Variants in C1orf21 observed in about 807,000 individuals in gnomAD.
C1orf21 encodes uncharacterized protein C1orf21.
A neutral mutation model predicts 18.7 loss-of-function variants in C1orf21; 3 were observed. That is an observed-to-expected ratio of 0.16 (90% CI 0.07 to 0.42). C1orf21 has a LOEUF of 0.42. C1orf21 is among the 10% of genes least tolerant of loss of function. The pLI is 0.99. For synonymous variants in C1orf21, 41 were observed against 46.4 expected, an observed-to-expected ratio of 0.88 and a Z score of 0.47; for missense variants, 104 against 143.6, an observed-to-expected ratio of 0.72 and a Z score of 1.41.
intron 1 of C1orf21, among the ~76,000 whole-genome samples, chr1:184,415,398 C>G (rs1033256808): frequency 4.6e-5 from 7 of 152,128 alleles, no homozygotes; most frequent in African/African-American, 1.7e-4. Flanking sequence ...ATTGAAGCAA[C>G]AGTTCCTGGG....
At chr1:184,428,111 AG>A (rs1339414590) in intron 1 of C1orf21, among the ~76,000 whole-genome samples, 1 of 152,208 alleles carries the variant, frequency 6.6e-6, no homozygotes, top group Non-Finnish European at 1.5e-5. Context: ...GGGTGTTGTG[AG>A]GTATCAGTAC....
chr1:184,401,824 T>G (rs1225514798), intron 1 of C1orf21, among the ~76,000 whole-genome samples: 1 of 151,776 alleles, frequency 6.6e-6, no homozygotes, highest in Non-Finnish European at 1.5e-5. Context: ...ATATTTTTAT[T>G]TAACCTAAAG....
chr1:184,415,142 C>T (rs999080825), intron 1 of C1orf21, among the ~76,000 whole-genome samples: 4 of 152,054 alleles, frequency 2.6e-5, no homozygotes, highest in African/African-American at 4.8e-5. Flanking sequence ...GGAGCGTGGC[C>T]GTTGAGTAAA....
intron 3 of C1orf21, among the ~76,000 whole-genome samples, chr1:184,564,924 A>G (rs1659014710): frequency 1.3e-5 from 2 of 152,218 alleles, no homozygotes; most frequent in Admixed American, 6.5e-5. Context: ...TGCTACCTAC[A>G]GAAGTTCCAC....
At chr1:184,612,185 G>C (rs1469201988) in intron 5 of C1orf21, among the ~76,000 whole-genome samples, 1 of 152,174 alleles carries the variant, frequency 6.6e-6, no homozygotes, top group Admixed American at 6.5e-5. Context: ...AAATTCTTCA[G>C]GTGATCCTTC....
intron 3 of C1orf21, among the ~76,000 whole-genome samples, chr1:184,514,016 G>A (rs1658188486): frequency 1.3e-5 from 2 of 152,202 alleles, no homozygotes; most frequent in South Asian, 4.1e-4. Context: ...ATGGGAGTGG[G>A]CTACGTGCGG....
rs74629021 is a variant in C1orf21 at position 184,507,203 on chromosome 1, C to G, written c.95-385C>G. Among the ~76,000 whole-genome samples the G allele has an allele frequency of 4.3e-3, 656 of 152,198 alleles. 19 individuals carry two copies. In the East Asian group the frequency reaches 0.064, roughly 15 times the overall value. Reference sequence around the variant, plus strand: ...GGCACAGGCATTTTGGACTAATACTCTCTTGGAGAAAAATAAGAATATTCT... The same window carrying G: ...GGCACAGGCATTTTGGACTAATACTGTCTTGGAGAAAAATAAGAATATTCT... On this transcript the variant is annotated intron_variant, in intron 2 of 5. Coordinates refer to ENST00000235307, the MANE Select transcript of C1orf21 (RefSeq NM_030806.4).
chr1:184,618,875 T>A (rs921097181), intron 5 of C1orf21, among the ~76,000 whole-genome samples: 1 of 152,198 alleles, frequency 6.6e-6, no homozygotes, highest in East Asian at 1.9e-4. Context: ...CATGTCTTCA[T>A]TGAGTTTATG....
At chr1:184,605,998 A>G (rs1338484929) in intron 5 of C1orf21, among the ~76,000 whole-genome samples, 1 of 152,240 alleles carries the variant, frequency 6.6e-6, no homozygotes, top group Non-Finnish European at 1.5e-5. Context: ...CCTACGGTAC[A>G]AATATCTCCT....
chr1:184,565,327 A>C (rs1659020709), intron 3 of C1orf21, among the ~76,000 whole-genome samples: 1 of 152,238 alleles, frequency 6.6e-6, no homozygotes, highest in Non-Finnish European at 1.5e-5. Flanking sequence ...TGATATAATA[A>C]TAGTGTTTTA....
intron 5 of C1orf21, among the ~76,000 whole-genome samples, chr1:184,604,967 A>T (rs1034416757): frequency 1.3e-5 from 2 of 152,228 alleles, no homozygotes; most frequent in African/African-American, 4.8e-5. Flanking sequence ...GAGTCCAAAT[A>T]AAAACCACGC....
chr1:184,561,135 A>G (rs1194817203), intron 3 of C1orf21, among the ~76,000 whole-genome samples: 1 of 152,210 alleles, frequency 6.6e-6, no homozygotes, highest in East Asian at 1.9e-4. Context: ...TATTTAGAAT[A>G]AATTGCAGGG....
At chr1:184,443,082 A>C (rs1462678163) in intron 1 of C1orf21, among the ~76,000 whole-genome samples, 2 of 152,250 alleles carry the variant, frequency 1.3e-5, no homozygotes, top group African/African-American at 4.8e-5. Context: ...TGACCAAAGC[A>C]GCTAAATAAA....
At chr1:184,571,296 C>CAAA (rs66868646) in intron 3 of C1orf21, among the ~76,000 whole-genome samples, 37 of 85,518 alleles carry the variant, frequency 4.3e-4, no homozygotes, top group East Asian at 6.7e-4. Context: ...GACTCCGTCT[C>CAAA]AAAAAAAAAA....
At chr1:184,605,773 G>A (rs1173709431) in intron 5 of C1orf21, among the ~76,000 whole-genome samples, 1 of 152,202 alleles carries the variant, frequency 6.6e-6, no homozygotes, top group Non-Finnish European at 1.5e-5. Context: ...ACTGGTCTGG[G>A]ATATTGAAGA....
At chr1:184,481,049 A>G (rs1194787682) in intron 2 of C1orf21, among the ~76,000 whole-genome samples, 1 of 152,092 alleles carries the variant, frequency 6.6e-6, no homozygotes, top group Non-Finnish European at 1.5e-5. Flanking sequence ...GTAGTTAGAT[A>G]AGCTTCCAGT....
intron 3 of C1orf21, among the ~76,000 whole-genome samples, chr1:184,553,019 AG>A (rs1658832734): frequency 6.6e-6 from 1 of 152,208 alleles, no homozygotes; most frequent in African/African-American, 2.4e-5. Flanking sequence ...ATCCATCTAA[AG>A]CTCTTGGTCT....
At chr1:184,396,367 G>A (rs1656050167) in intron 1 of C1orf21, among the ~76,000 whole-genome samples, 1 of 151,976 alleles carries the variant, frequency 6.6e-6, no homozygotes, top group South Asian at 2.1e-4. Flanking sequence ...TGGAGAAAGG[G>A]GACAGACAGA....
chr1:184,510,267 C>T (rs1008732063), intron 3 of C1orf21, among the ~76,000 whole-genome samples: 10 of 152,308 alleles, frequency 6.6e-5, no homozygotes, highest in African/African-American at 9.6e-5. Flanking sequence ...GGTATATTTT[C>T]GCTCAGTTCA....
Sources: allele counts gnomAD v4.1 joint callset (sites outside exome capture counted in the v4.1 genomes callset), GRCh38; gene constraint gnomAD v4.1.1; transcripts MANE v1.5; gene names NCBI Gene and HGNC (gene_info 2026-07-23, HGNC 2026-07-21).